C4orf17: variants seen among roughly 807,000 people sequenced by gnomAD.
The protein encoded by C4orf17 is chromosome 4 open reading frame 17, also known as uncharacterized protein C4orf17.
C4orf17 carries 25 observed loss-of-function variants against 32.0 expected under a neutral mutation model. The ratio of observed to expected loss-of-function variants is 0.78; its 90% CI spans 0.57 to 1.09. The LOEUF is 1.09. Among genes scored for constraint, C4orf17 ranks in the 50% least tolerant of loss-of-function variants. The probability of loss-of-function intolerance (pLI) is 0.00; values close to 1 mark genes in which losing one functional copy is unlikely to be tolerated. For missense variants in C4orf17, 420 were observed against 420.0 expected, an observed-to-expected ratio of 1.00 and a Z score of 0.00; for synonymous variants, 149 against 145.8, an observed-to-expected ratio of 1.02 and a Z score of -0.16.
intron 5 of C4orf17, among the ~76,000 whole-genome samples, chr4:99,530,947 T>C (rs1723468283): frequency 6.6e-6 from 1 of 152,084 alleles, no homozygotes; most frequent in South Asian, 2.1e-4. Flanking sequence ...GATCTTTCTA[T>C]AATTTTCTCA....
chr4:99,521,588 AGAT>A (rs764176679), intron 2 of C4orf17, among the ~76,000 whole-genome samples: 1 of 152,176 alleles, frequency 6.6e-6, no homozygotes, highest in Non-Finnish European at 1.5e-5. Context: ...TTGCCAGCAA[AGAT>A]GATTTTGATG....
intron 4 of C4orf17, 21 bp downstream of exon 4, chr4:99,524,606 G>T: frequency 6.9e-7 from 1 of 1,446,254 alleles, no homozygotes; most frequent in Non-Finnish European, 9.6e-7. Flanking sequence ...GCTATTTACT[G>T]CTATCTATTT....
intron 4 of C4orf17, among the ~76,000 whole-genome samples, chr4:99,525,953 T>C (rs1366069409): frequency 2.0e-5 from 3 of 152,206 alleles, no homozygotes; most frequent in Non-Finnish European, 4.4e-5. Context: ...AAATTTGTAA[T>C]TTTTTCCATC....
intron 2 of C4orf17, among the ~76,000 whole-genome samples, chr4:99,518,544 T>G (rs2851021): frequency 0.018 from 660 of 36,784 alleles, 20 homozygotes; most frequent in Non-Finnish European, 0.022. Context: ...TATATATATA[T>G]AGAGAGAGAG....
chr4:99,514,038 G>A (rs962983564), intron 2 of C4orf17, among the ~76,000 whole-genome samples: 5 of 152,076 alleles, frequency 3.3e-5, no homozygotes, highest in Non-Finnish European at 7.4e-5. Context: ...TATCAACACT[G>A]GCTATTGGGC....
At chr4:99,524,257 T>TAATA (rs1452602487) in intron 3 of C4orf17, among the ~76,000 whole-genome samples, 1 of 152,106 alleles carries the variant, frequency 6.6e-6, no homozygotes, top group African/African-American at 2.4e-5. Context: ...ATATACTTTT[T>TAATA]AAATCAGTTT....
chr4:99,535,001 G>A (rs543642103), intron 5 of C4orf17, among the ~76,000 whole-genome samples: 1 of 152,242 alleles, frequency 6.6e-6, no homozygotes, highest in South Asian at 2.1e-4. Context: ...ATGAAACTCA[G>A]TTTGGCCAGA....
At chr4:99,532,193 T>G (rs1723487961) in intron 5 of C4orf17, among the ~76,000 whole-genome samples, 1 of 152,134 alleles carries the variant, frequency 6.6e-6, no homozygotes, top group African/African-American at 2.4e-5. Flanking sequence ...GTCCCATTAC[T>G]GGGTATATAC....
chr4:99,526,652 T>TTTTC (rs1270028668), intron 4 of C4orf17, among the ~76,000 whole-genome samples: 174 of 55,278 alleles, frequency 3.1e-3, no homozygotes, highest in African/African-American at 0.023. Context: ...TTTTCTTTTC[T>TTTTC]TTTTTTTTTT....
chr4:99,514,577 C>A (rs779564280), intron 2 of C4orf17, among the ~76,000 whole-genome samples: 1 of 151,822 alleles, frequency 6.6e-6, no homozygotes, highest in East Asian at 1.9e-4. Context: ...CCTGTAAGAA[C>A]GGCCATAATT....
chr4:99,539,017 G>A, intron 6 of C4orf17, 146 bp from the exon 7 acceptor site: 1 of 752,596 alleles, frequency 1.3e-6, no homozygotes, highest in East Asian at 2.5e-5. Flanking sequence ...CAACTTTTCT[G>A]CAGAAGTCCT....
chr4:99,524,183 G>GT (rs1365199880), intron 3 of C4orf17, among the ~76,000 whole-genome samples: 2 of 151,832 alleles, frequency 1.3e-5, no homozygotes, highest in Admixed American at 1.3e-4. Context: ...GGACTTCACC[G>GT]TGTTAGCCAG....
rs2110174718 is a variant in C4orf17 at position 99,539,251 on chromosome 4, A to T, written c.717A>T (p.Pro239=). ...ACAGAAGAAACACCTCAATGGAACC[A>T]GCAGCAGAGACTGGGAAGCCACCCA... ...THHRRNTSME[P]AAETGKPPTV... is the part of the protein sequence containing the mutation. The change falls in exon 7 of 9, where the codon CCA becomes CCT. Residue 239 remains proline, a synonymous_variant. Transcript: ENST00000326581. 1.2e-6 allele frequency: 2 copies of T among 1,614,026 alleles called. No individual in the cohort carries two copies. Among genetic ancestry groups the T allele is most frequent in the East Asian group, 4.5e-5 (2 of 44,896 alleles).
At chr4:99,541,168 A>G (rs1445453125) in intron 8 of C4orf17, 1 of 152,304 alleles carries the variant, frequency 6.6e-6, no homozygotes, top group Non-Finnish European at 1.5e-5. Context: ...ATAATCAATT[A>G]GAGCTCACTG....
At chr4:99,539,031 T>G (rs1221695111) in intron 6 of C4orf17, 132 bp from the exon 7 acceptor site, 1 of 828,432 alleles carries the variant, frequency 1.2e-6, no homozygotes, top group Non-Finnish European at 2.0e-6. Context: ...AAGTCCTTAC[T>G]CCCACATAGG....
At chr4:99,512,926 G>GC (rs1376045162) in intron 1 of C4orf17, 63 bp from the exon 2 acceptor site, 2 of 692,094 alleles carry the variant, frequency 2.9e-6, no homozygotes, top group African/African-American at 3.6e-5. Flanking sequence ...ATGGAGAAAT[G>GC]TTTGATATAT....
At chr4:99,524,058 C>A (rs929125076) in intron 3 of C4orf17, among the ~76,000 whole-genome samples, 2 of 147,344 alleles carry the variant, frequency 1.4e-5, no homozygotes, top group African/African-American at 5.1e-5. Flanking sequence ...CCGCTCACTG[C>A]AAACTCCACC....
chr4:99,515,190 C>T (rs1158280319), intron 2 of C4orf17, among the ~76,000 whole-genome samples: 1 of 152,136 alleles, frequency 6.6e-6, no homozygotes, highest in Non-Finnish European at 1.5e-5. Context: ...TTTCAGAAAT[C>T]ACCACTAAAG....
At chr4:99,530,821 G>A (rs540697443) in intron 5 of C4orf17, among the ~76,000 whole-genome samples, 1 of 152,126 alleles carries the variant, frequency 6.6e-6, no homozygotes, top group South Asian at 2.1e-4. Context: ...AGAAAGGAGA[G>A]TATCTACATA....
Sources: gnomAD v4.1 joint callset for allele counts (sites outside exome capture counted in the v4.1 genomes callset) on GRCh38, gnomAD v4.1.1 for gene constraint, MANE v1.5 for transcripts, NCBI Gene and HGNC (gene_info 2026-07-23, HGNC 2026-07-21) for gene names.